KCNQ5: variants seen among roughly 807,000 people sequenced by gnomAD.
KCNQ5 encodes the protein potassium voltage-gated channel subfamily KQT member 5.
Under a neutral mutation model 98.2 loss-of-function variants are expected in KCNQ5, and 30 were observed. That is an observed-to-expected ratio of 0.31 (90% CI 0.23 to 0.41). The LOEUF (loss-of-function observed/expected upper bound fraction) is 0.41. Ranked by LOEUF, KCNQ5 falls within the 10% of genes least tolerant of loss-of-function variation. The pLI is 1.00. For missense variants in KCNQ5, 835 were observed against 1,182.5 expected (o/e 0.71, Z 4.31); for synonymous variants, 458 against 449.4 (o/e 1.02, Z -0.24).
chr6:73,132,603 T>C (rs1031116520), intron 9 of KCNQ5, among the ~76,000 whole-genome samples: 1 of 152,246 alleles, frequency 6.6e-6, no homozygotes, highest in Non-Finnish European at 1.5e-5. Context: ...GATTTTATGA[T>C]TGTTGTTAAT....
At chr6:72,847,939 C>T (rs963842682) in intron 1 of KCNQ5, among the ~76,000 whole-genome samples, 10 of 151,310 alleles carry the variant, frequency 6.6e-5, no homozygotes, top group Non-Finnish European at 1.5e-4. Context: ...CTGGTATAAT[C>T]AAAATAATAT....
intron 1 of KCNQ5, among the ~76,000 whole-genome samples, chr6:72,968,451 GA>G (rs199957574): frequency 9.7e-5 from 14 of 144,166 alleles, no homozygotes; most frequent in East Asian, 2.0e-4. Context: ...AGAAATAAGT[GA>G]AAAAAAAAAC....
rs532133886 is a variant in KCNQ5, at chr6:72,770,948, TAGAG to T, written c.398+148365_398+148368del. Among the ~76,000 whole-genome samples the T allele has an allele frequency of 4.1e-3, 622 of 152,216 alleles. 1 individual carries two copies. The highest frequency in any genetic ancestry group is 6.5e-3 in the Non-Finnish European group (444 of 67,994). On this transcript the variant is annotated intron_variant, in intron 1 of 13. Transcript: ENST00000370398. ...CAAGCTCTCTATTGGCTTTCACATT[TAGAG>T]AGAAATATGAAATTCTCTCAGCCCT...
At chr6:72,655,064 C>T (rs1466379515) in intron 1 of KCNQ5, among the ~76,000 whole-genome samples, 1 of 149,214 alleles carries the variant, frequency 6.7e-6, no homozygotes. Context: ...TTCTTTCTTT[C>T]TTTCTTTCTT....
intron 1 of KCNQ5, among the ~76,000 whole-genome samples, chr6:72,898,363 C>G (rs1336819565): frequency 6.6e-6 from 1 of 152,044 alleles, no homozygotes; most frequent in Non-Finnish European, 1.5e-5. Flanking sequence ...GTGTGTTGTT[C>G]CCCTCTCTGT....
chr6:72,817,420 T>A (rs1259987379), intron 1 of KCNQ5, among the ~76,000 whole-genome samples: 3 of 152,134 alleles, frequency 2.0e-5, no homozygotes, highest in Non-Finnish European at 2.9e-5. Context: ...AAAACAAACA[T>A]GATGCTACAG....
intron 1 of KCNQ5, among the ~76,000 whole-genome samples, chr6:72,994,403 G>A (rs1769180991): frequency 1.0e-5 from 1 of 96,588 alleles, no homozygotes; most frequent in East Asian, 2.9e-4. Context: ...GCAATATTCG[G>A]GTGGGAGTGA....
At chr6:73,101,177 T>C (rs1052460214) in intron 5 of KCNQ5, among the ~76,000 whole-genome samples, 6 of 151,990 alleles carry the variant, frequency 3.9e-5, no homozygotes, top group African/African-American at 1.4e-4. Context: ...AGACAAAAAA[T>C]GCATTTAAAA....
intron 1 of KCNQ5, among the ~76,000 whole-genome samples, chr6:72,640,069 TAGA>T (rs2098926359): frequency 1.3e-5 from 2 of 152,156 alleles, no homozygotes; most frequent in South Asian, 4.1e-4. Flanking sequence ...CATGATCACG[TAGA>T]AGGCTACCTG....
chr6:73,110,416 G>C (rs987116445), intron 6 of KCNQ5, among the ~76,000 whole-genome samples: 71 of 152,260 alleles, frequency 4.7e-4, no homozygotes, highest in African/African-American at 1.6e-3. Context: ...AAATTGAAAA[G>C]AGTGGGGGAC....
chr6:72,738,078 C>T (rs1254006858), intron 1 of KCNQ5, among the ~76,000 whole-genome samples: 3 of 152,152 alleles, frequency 2.0e-5, no homozygotes, highest in African/African-American at 7.2e-5. Context: ...TGGCGTGAAC[C>T]CACGAGGTGG....
At chr6:72,727,608 G>A (rs1326773388) in intron 1 of KCNQ5, among the ~76,000 whole-genome samples, 2 of 152,034 alleles carry the variant, frequency 1.3e-5, no homozygotes, top group Non-Finnish European at 2.9e-5. Context: ...GCTAGCAACT[G>A]GTACTCCTTC....
intron 1 of KCNQ5, among the ~76,000 whole-genome samples, chr6:72,884,003 A>G (rs1320890697): frequency 6.6e-6 from 1 of 152,214 alleles, no homozygotes; most frequent in Non-Finnish European, 1.5e-5. Context: ...AAGAATCAAT[A>G]TTCTTAAGGA....
intron 1 of KCNQ5, among the ~76,000 whole-genome samples, chr6:72,981,916 A>G (rs1215986499): frequency 6.6e-6 from 1 of 152,176 alleles, no homozygotes; most frequent in Non-Finnish European, 1.5e-5. Flanking sequence ...TTATTTACCC[A>G]GTAGTCGTTC....
chr6:73,159,718 T>G (rs1777533115), intron 10 of KCNQ5, among the ~76,000 whole-genome samples: 1 of 152,220 alleles, frequency 6.6e-6, no homozygotes, highest in African/African-American at 2.4e-5. Context: ...TTTGCTAGTC[T>G]TTCCTGACTG....
At chr6:72,769,611 T>G (rs1772754419) in intron 1 of KCNQ5, among the ~76,000 whole-genome samples, 1 of 151,988 alleles carries the variant, frequency 6.6e-6, no homozygotes, top group Non-Finnish European at 1.5e-5. Flanking sequence ...GACAATTTCC[T>G]GTAGAAATGC....
chr6:73,186,056 CT>C (rs199720491), intron 11 of KCNQ5, among the ~76,000 whole-genome samples: 4,509 of 152,210 alleles, frequency 0.03, 120 homozygotes, highest in African/African-American at 0.072. Context: ...GAGACCCCCC[CT>C]ATCTCTGCAA....
At chr6:72,654,030 C>G (rs1307943379) in intron 1 of KCNQ5, among the ~76,000 whole-genome samples, 1 of 151,996 alleles carries the variant, frequency 6.6e-6, no homozygotes, top group Non-Finnish European at 1.5e-5. Flanking sequence ...ATAATGAATA[C>G]TTGATACTGT....
intron 1 of KCNQ5, among the ~76,000 whole-genome samples, chr6:72,950,082 C>A (rs1195200334): frequency 6.6e-6 from 1 of 152,056 alleles, no homozygotes; most frequent in Admixed American, 6.5e-5. Flanking sequence ...ACAGAAATTT[C>A]TCTTGAATTA....
Sources: allele counts gnomAD v4.1 joint callset (sites outside exome capture counted in the v4.1 genomes callset), GRCh38; gene constraint gnomAD v4.1.1; transcripts MANE v1.5; gene names NCBI Gene and HGNC (gene_info 2026-07-23, HGNC 2026-07-21).